The following OSBPL10 variants were observed in gnomAD, a reference collection of about 807,000 sequenced individuals.
OSBPL10 encodes the protein oxysterol-binding protein-related protein 10.
Under a neutral mutation model 81.7 loss-of-function variants are expected in OSBPL10, and 49 were observed. That is an observed-to-expected ratio of 0.60 (90% CI 0.48 to 0.76). The LOEUF is 0.76. Among genes scored for constraint, OSBPL10 ranks in the 30% least tolerant of loss-of-function variants. The pLI is 0.00. For missense variants in OSBPL10, 923 were observed against 987.8 expected (o/e 0.93, Z 0.88); for synonymous variants, 419 against 383.6 (o/e 1.09, Z -1.08).
intron 4 of OSBPL10, among the ~76,000 whole-genome samples, chr3:31,754,404 G>C (rs550298688): frequency 6.6e-6 from 1 of 152,292 alleles, no homozygotes; most frequent in South Asian, 2.1e-4. Context: ...TGAGCGGAAG[G>C]AAGAGGGATC....
chr3:32,009,984 C>T (rs1472449348), intron 2 of OSBPL10, among the ~76,000 whole-genome samples: 5 of 152,156 alleles, frequency 3.3e-5, no homozygotes, highest in African/African-American at 1.2e-4. Flanking sequence ...TCCCTAACTC[C>T]CAATGTGACT....
chr3:31,951,429 C>T (rs1051668107), intron 1 of OSBPL10, among the ~76,000 whole-genome samples: 4 of 151,742 alleles, frequency 2.6e-5, no homozygotes, highest in Admixed American at 6.6e-5. Context: ...GAATGATGAA[C>T]TTGAAACTCA....
intron 8 of OSBPL10, among the ~76,000 whole-genome samples, chr3:31,672,448 G>A (rs1208990387): frequency 2.0e-5 from 3 of 149,566 alleles, no homozygotes; most frequent in South Asian, 4.4e-4. Flanking sequence ...GAAGGGGGGT[G>A]GGAGTGCGGA....
intron 2 of OSBPL10, among the ~76,000 whole-genome samples, chr3:32,009,667 G>T (rs113203065): frequency 1.3e-5 from 2 of 152,312 alleles, no homozygotes; most frequent in Non-Finnish European, 2.9e-5. Flanking sequence ...AATAAGCCCT[G>T]CACCACATGA....
chr3:31,841,396 T>C (rs571224502), intron 3 of OSBPL10, among the ~76,000 whole-genome samples: 96 of 152,352 alleles, frequency 6.3e-4, no homozygotes, highest in Admixed American at 2.6e-3. Flanking sequence ...TCTCCATTTT[T>C]ACCAATGAAT....
intron 5 of OSBPL10, among the ~76,000 whole-genome samples, chr3:31,744,537 C>CA (rs58546446): frequency 0.32 from 31,239 of 96,362 alleles, 5,637 homozygotes; most frequent in South Asian, 0.48. Flanking sequence ...GACTCCGTCT[C>CA]AAAAAAAAAA....
chr3:31,766,163 G>A (rs1009483861), intron 4 of OSBPL10, among the ~76,000 whole-genome samples: 2 of 151,932 alleles, frequency 1.3e-5, no homozygotes, highest in Non-Finnish European at 2.9e-5. Flanking sequence ...GTGAGTTTAC[G>A]TTATTGGCTC....
intron 11 of OSBPL10, chr3:31,663,037 G>A: frequency 1.0e-6 from 1 of 985,382 alleles, no homozygotes; most frequent in Non-Finnish European, 1.2e-6. Context: ...AACAGTGGTG[G>A]CTTCCTGCTC....
At chr3:31,989,648 TA>T in intron 2 of OSBPL10, 1 of 1,614,202 alleles carries the variant, frequency 6.2e-7, no homozygotes. Context: ...TCCTCAGTTC[TA>T]ACGTCCCAAA....
intron 3 of OSBPL10, among the ~76,000 whole-genome samples, chr3:31,849,953 T>C (rs1368133812): frequency 2.0e-5 from 3 of 152,002 alleles, no homozygotes; most frequent in Non-Finnish European, 2.9e-5. Context: ...TCACCTGAGG[T>C]TGGGAGTTGG....
At chr3:31,907,619 C>CAAAAAAAAAAAAAAAAAAAAAA (rs142840420) in intron 1 of OSBPL10, among the ~76,000 whole-genome samples, 1 of 63,872 alleles carries the variant, frequency 1.6e-5, no homozygotes, top group African/African-American at 6.9e-5. Context: ...ACCTCCATCT[C>CAAAAAAAAAAAAAAAAAAAAAA]AAAAAAAAAA....
At chr3:31,905,384 C>G (rs1187234469) in intron 1 of OSBPL10, among the ~76,000 whole-genome samples, 1 of 93,144 alleles carries the variant, frequency 1.1e-5, no homozygotes, top group Admixed American at 1.5e-4. Flanking sequence ...GACTCCCGTT[C>G]TGTCACCCAG....
intron 4 of OSBPL10, among the ~76,000 whole-genome samples, chr3:31,826,041 A>C (rs936039986): frequency 1.3e-5 from 2 of 152,172 alleles, no homozygotes; most frequent in African/African-American, 4.8e-5. Flanking sequence ...AATGTCTTGT[A>C]TTGAATCTAT....
At chr3:31,791,087 G>GA (rs34008735) in intron 4 of OSBPL10, among the ~76,000 whole-genome samples, 137 of 151,376 alleles carry the variant, frequency 9.1e-4, no homozygotes, top group East Asian at 4.7e-3. Context: ...AAATGTCATG[G>GA]AAAAAAAAAA....
chr3:31,684,750 C>A (rs568422894), intron 7 of OSBPL10, among the ~76,000 whole-genome samples: 1 of 152,186 alleles, frequency 6.6e-6, no homozygotes, highest in Non-Finnish European at 1.5e-5. Context: ...ACAGAGCTGC[C>A]GCAGACAAGA....
chr3:32,033,951 A>C (rs1699496921), intron 2 of OSBPL10, among the ~76,000 whole-genome samples: 1 of 152,158 alleles, frequency 6.6e-6, no homozygotes, highest in Non-Finnish European at 1.5e-5. Flanking sequence ...ATAAAGGAAG[A>C]GGTTTAATTG....
At chr3:31,743,890 A>G (rs1227727920) in intron 5 of OSBPL10, among the ~76,000 whole-genome samples, 1 of 152,218 alleles carries the variant, frequency 6.6e-6, no homozygotes, top group Non-Finnish European at 1.5e-5. Flanking sequence ...GGCAGCTGCT[A>G]TAGCAACTAT....
chr3:31,940,740 CCTA>C (rs1477875869), intron 1 of OSBPL10, among the ~76,000 whole-genome samples: 3 of 152,074 alleles, frequency 2.0e-5, no homozygotes, highest in African/African-American at 7.2e-5. Flanking sequence ...ATGGCCACCT[CCTA>C]CTGTCTTTTG....
At chr3:32,006,827 T>C (rs1429675958) in intron 2 of OSBPL10, among the ~76,000 whole-genome samples, 1 of 152,242 alleles carries the variant, frequency 6.6e-6, no homozygotes, top group Non-Finnish European at 1.5e-5. Context: ...CTTTGCAGTA[T>C]TTGTTAATAT....
Sources: allele counts gnomAD v4.1 joint callset (sites outside exome capture counted in the v4.1 genomes callset), GRCh38; gene constraint gnomAD v4.1.1; transcripts MANE v1.5; gene names NCBI Gene and HGNC (gene_info 2026-07-23, HGNC 2026-07-21).